Variants in PLCB1 observed in about 807,000 individuals in gnomAD.
PLCB1 encodes the protein 1-phosphatidylinositol 4,5-bisphosphate phosphodiesterase beta-1.
In PLCB1, 46 loss-of-function variants were observed where a neutral mutation model predicts 161.8. That is an observed-to-expected ratio of 0.28 (90% confidence interval 0.22 to 0.36). PLCB1 has a LOEUF of 0.36. Ranked by LOEUF, PLCB1 falls within the 10% of genes least tolerant of loss-of-function variation. PLCB1 has a pLI of 1.00. For missense variants in PLCB1, 1,016 were observed against 1,472.5 expected (o/e 0.69, Z 5.07); for synonymous variants, 517 against 503.7 (o/e 1.03, Z -0.35).
chr20:8,505,411 T>C (rs1381307712), intron 3 of PLCB1, among the ~76,000 whole-genome samples: 2 of 152,182 alleles, frequency 1.3e-5, no homozygotes, highest in Non-Finnish European at 2.9e-5. Flanking sequence ...ATACTGGTTT[T>C]AGTTACCCCA....
chr20:8,173,551 G>T (rs1233993383), intron 2 of PLCB1, among the ~76,000 whole-genome samples: 2 of 152,048 alleles, frequency 1.3e-5, no homozygotes, highest in Admixed American at 6.6e-5. Flanking sequence ...GATTTGAATA[G>T]AATTTAGTCT....
intron 26 of PLCB1, among the ~76,000 whole-genome samples, chr20:8,766,965 G>A (rs1982349172): frequency 6.6e-6 from 1 of 152,162 alleles, no homozygotes; most frequent in Non-Finnish European, 1.5e-5. Flanking sequence ...TAGACATGGA[G>A]AGAAGGGGAT....
intron 2 of PLCB1, among the ~76,000 whole-genome samples, chr20:8,283,888 A>G (rs899895423): frequency 5.9e-5 from 9 of 152,080 alleles, no homozygotes; most frequent in South Asian, 4.1e-4. Flanking sequence ...AATTTTCTCT[A>G]TATGACCGTT....
intron 31 of PLCB1, among the ~76,000 whole-genome samples, chr20:8,837,613 G>A (rs1405335213): frequency 6.6e-6 from 1 of 152,188 alleles, no homozygotes; most frequent in Non-Finnish European, 1.5e-5. Context: ...TGTAGAGGGA[G>A]GGATTAAATG....
intron 3 of PLCB1, among the ~76,000 whole-genome samples, chr20:8,543,194 A>T (rs1985401191): frequency 6.6e-6 from 1 of 152,068 alleles, no homozygotes; most frequent in Non-Finnish European, 1.5e-5. Context: ...GAAGAAATAG[A>T]TAAAAAAATA....
At position 8,373,130 on chromosome 20, in the gene PLCB1, C is replaced by T. The variant is rs148570264; in HGVS notation, c.246+1680C>T. On this transcript the variant is annotated intron_variant, in intron 3 of 31. Transcript: ENST00000338037. ...CACTGTTAGATCCTCAAATGCTTCT[C>T]GTGAGGATGGATTTTTAACACTTAG... Among the ~76,000 whole-genome samples, 884 of 152,322 alleles carry T rather than the reference C, an allele frequency of 5.8e-3. 7 individuals are homozygous for T. Among genetic ancestry groups the T allele is most frequent in the African/African-American group, 0.02 (848 of 41,578 alleles).
chr20:8,325,477 A>G (rs1294078688), intron 2 of PLCB1, among the ~76,000 whole-genome samples: 1 of 152,198 alleles, frequency 6.6e-6, no homozygotes, highest in Admixed American at 6.5e-5. Flanking sequence ...TGTTCTGTTC[A>G]AAGGCAGTTT....
intron 23 of PLCB1, among the ~76,000 whole-genome samples, chr20:8,742,321 G>A (rs1980923253): frequency 6.6e-6 from 1 of 152,098 alleles, no homozygotes; most frequent in Non-Finnish European, 1.5e-5. Context: ...AAAAAAGATA[G>A]AAAATGGAGA....
chr20:8,792,404 T>A (rs1166790733), intron 31 of PLCB1, among the ~76,000 whole-genome samples: 1 of 152,190 alleles, frequency 6.6e-6, no homozygotes, highest in African/African-American at 2.4e-5. Context: ...ACAAAACTGA[T>A]ATTTTATCAT....
chr20:8,180,049 G>T (rs1357287298), intron 2 of PLCB1, among the ~76,000 whole-genome samples: 1 of 151,520 alleles, frequency 6.6e-6, no homozygotes, highest in African/African-American at 2.4e-5. Flanking sequence ...TAGTGGAGAT[G>T]GGGTTTCACC....
At chr20:8,617,343 C>T (rs911236478) in intron 3 of PLCB1, among the ~76,000 whole-genome samples, 5 of 152,134 alleles carry the variant, frequency 3.3e-5, no homozygotes, top group African/African-American at 1.2e-4. Flanking sequence ...ATACTCAAAA[C>T]TCATCACTTT....
chr20:8,461,341 A>G (rs1368230664), intron 3 of PLCB1, among the ~76,000 whole-genome samples: 1 of 152,174 alleles, frequency 6.6e-6, no homozygotes, highest in Non-Finnish European at 1.5e-5. Flanking sequence ...CTTTGAAGCT[A>G]TAAGACATGG....
chr20:8,609,134 A>G (rs1468505200), intron 3 of PLCB1, among the ~76,000 whole-genome samples: 1 of 152,216 alleles, frequency 6.6e-6, no homozygotes, highest in Non-Finnish European at 1.5e-5. Flanking sequence ...AGGCATGTCA[A>G]CAGAGCAAAA....
intron 9 of PLCB1, among the ~76,000 whole-genome samples, chr20:8,666,159 C>T (rs930547628): frequency 3.3e-5 from 5 of 152,118 alleles, no homozygotes; most frequent in African/African-American, 9.7e-5. Flanking sequence ...CAGAGTTCCT[C>T]GGTGAGACTG....
intron 2 of PLCB1, among the ~76,000 whole-genome samples, chr20:8,338,001 G>A (rs1190467103): frequency 3.6e-4 from 55 of 152,100 alleles, no homozygotes; most frequent in Admixed American, 3.6e-3. Context: ...AACAGAGAGG[G>A]ATGAATGATG....
intron 31 of PLCB1, chr20:8,831,140 G>A (rs917242009): frequency 6.6e-6 from 1 of 152,232 alleles, no homozygotes; most frequent in Non-Finnish European, 1.5e-5. Context: ...ATAGTGTCTT[G>A]GGGTCATCAG....
chr20:8,712,234 G>C (rs1024193150), intron 12 of PLCB1, among the ~76,000 whole-genome samples: 3 of 152,114 alleles, frequency 2.0e-5, no homozygotes, highest in African/African-American at 7.2e-5. Flanking sequence ...GGCAGAGGCT[G>C]CAGTGAGCTG....
intron 2 of PLCB1, among the ~76,000 whole-genome samples, chr20:8,193,405 A>C (rs932057711): frequency 9.9e-5 from 15 of 152,104 alleles, no homozygotes; most frequent in Non-Finnish European, 1.8e-4. Context: ...AAAAGAAAAA[A>C]TTTTTAAAAA....
At chr20:8,585,167 A>T (rs916499034) in intron 3 of PLCB1, among the ~76,000 whole-genome samples, 9 of 151,900 alleles carry the variant, frequency 5.9e-5, no homozygotes, top group Non-Finnish European at 1.3e-4. Flanking sequence ...TGCTTCCAAG[A>T]CTCTCAGTAT....
Sources: allele counts gnomAD v4.1 joint callset (sites outside exome capture counted in the v4.1 genomes callset), GRCh38; gene constraint gnomAD v4.1.1; transcripts MANE v1.5; gene names NCBI Gene and HGNC (gene_info 2026-07-23, HGNC 2026-07-21).